The following ADGRG5 variants were observed in gnomAD, a reference collection of about 807,000 sequenced individuals.
ADGRG5 encodes the protein G protein-coupled receptor 114.
In ADGRG5, 37 loss-of-function variants were observed where a neutral mutation model predicts 53.2. The ratio of observed to expected loss-of-function variants is 0.70; its 90% CI spans 0.53 to 0.91. The LOEUF (loss-of-function observed/expected upper bound fraction) is 0.91, where lower values mean the gene tolerates loss of function less well. ADGRG5 is among the 40% of genes least tolerant of loss of function. The probability of loss-of-function intolerance (pLI) is 0.00; values close to 1 mark genes in which losing one functional copy is unlikely to be tolerated. For missense variants in ADGRG5, 614 were observed against 675.8 expected, an observed-to-expected ratio of 0.91 and a Z score of 1.01; for synonymous variants, 277 against 290.4, an observed-to-expected ratio of 0.95 and a Z score of 0.47.
At chr16:57,571,627 ACT>A (rs1467972688) in intron 10 of ADGRG5, among the ~76,000 whole-genome samples, 1 of 149,776 alleles carries the variant, frequency 6.7e-6, no homozygotes, top group African/African-American at 2.5e-5. Context: ...CAGTTTACAT[ACT>A]CTCTGAAGAT....
intron 1 of ADGRG5, among the ~76,000 whole-genome samples, chr16:57,543,803 C>T (rs2032552037): frequency 6.6e-6 from 1 of 152,118 alleles, no homozygotes; most frequent in African/African-American, 2.4e-5. Context: ...AGATGTATTC[C>T]TGGCCAAGGA....
intron 1 of ADGRG5, among the ~76,000 whole-genome samples, chr16:57,558,870 G>C (rs2032939360): frequency 6.6e-6 from 1 of 150,512 alleles, no homozygotes; most frequent in African/African-American, 2.4e-5. Flanking sequence ...TTTGAGACAG[G>C]GTCTCACTCT....
At chr16:57,556,906 TTC>T in intron 1 of ADGRG5, among the ~76,000 whole-genome samples, 2 of 129,652 alleles carry the variant, frequency 1.5e-5, no homozygotes. Flanking sequence ...TTTTGCCTTC[TTC>T]TTTTTTTTTT....
At position 57,564,926 on chromosome 16, in the gene ADGRG5, C is replaced by T. The variant is rs1416566176; in HGVS notation, c.430-108C>T. On this transcript the variant is annotated intron_variant, in intron 5 of 11. Coordinates refer to ENST00000349457, the MANE Select transcript of ADGRG5 (RefSeq NM_001304376.3). ...AGGCTGAGAAAGCTTTCACGCTGCA[C>T]ACGTGAAAGTCTTGCTGCTTGTTCT... is the stretch of plus-strand genomic sequence containing the variant. The T allele has an allele frequency of 7.2e-6, 5 of 692,744 alleles. No individual in the cohort carries two copies. In the Admixed American group the frequency reaches 1.2e-4, roughly 16 times the overall value. 42.9% of individuals were successfully genotyped at this position (692,744 alleles called of 1,614,324 possible).
At chr16:57,554,010 G>C (rs1448716684) in intron 1 of ADGRG5, among the ~76,000 whole-genome samples, 3 of 152,154 alleles carry the variant, frequency 2.0e-5, no homozygotes, top group Admixed American at 2.0e-4. Flanking sequence ...TTCTTTGTGG[G>C]AAGATTTTTA....
At chr16:57,567,324 T>C (rs1411408977) in intron 7 of ADGRG5, 146 bp from the exon 8 acceptor site, 17 of 776,088 alleles carry the variant, frequency 2.2e-5, no homozygotes, top group Non-Finnish European at 3.0e-5. Context: ...TGACTGTATC[T>C]GCCATGGCCT....
At chr16:57,529,098 G>C in the ADGRG5 span, 3 of 1,177,680 alleles carry the variant, frequency 2.5e-6, no homozygotes, top group Non-Finnish European at 3.1e-6. The surrounding 1 kb of genome is among the most constrained non-coding windows in gnomAD (Gnocchi z 4.1). Context: ...CTCCGGCGAC[G>C]GGCTGCCCAG....
chr16:57,559,985 C>G (rs2032965138), intron 1 of ADGRG5, among the ~76,000 whole-genome samples: 1 of 152,122 alleles, frequency 6.6e-6, no homozygotes, highest in Admixed American at 6.6e-5. Context: ...TTAATTGCTT[C>G]TTTTTATTTT....
At position 57,566,348 on chromosome 16, in the gene ADGRG5, G is replaced by A. The variant is rs1311314716; in HGVS notation, c.547-251G>A. ...TTTTTCCACCATTGTTGTAACATGGGTACGAATGATCCTATTCTGTAGATG... is the reference window on the plus strand; with the variant it reads ...TTTTTCCACCATTGTTGTAACATGGATACGAATGATCCTATTCTGTAGATG... On this transcript the variant is annotated intron_variant, in intron 6 of 11. Transcript: ENST00000349457. 6 of 382,192 alleles carry A rather than the reference G, an allele frequency of 1.6e-5. No individual in the cohort carries two copies. The South Asian group carries it at 6.5e-4, about 41-fold the overall frequency. 23.7% of individuals were successfully genotyped at this position (382,192 alleles called of 1,614,324 possible).
At chr16:57,549,498 C>T (rs1021994908) in intron 1 of ADGRG5, among the ~76,000 whole-genome samples, 1 of 152,146 alleles carries the variant, frequency 6.6e-6, no homozygotes, top group Non-Finnish European at 1.5e-5. Flanking sequence ...TTCTCTTGCC[C>T]TCCCTCCCCT....
intron 1 of ADGRG5, among the ~76,000 whole-genome samples, chr16:57,555,344 A>C (rs1044677179): frequency 5.9e-5 from 9 of 152,078 alleles, no homozygotes; most frequent in Non-Finnish European, 1.3e-4. Flanking sequence ...CGTGATAGTG[A>C]GTGAGTTCTC....
chr16:57,533,530 A>G, the ADGRG5 span, among the ~76,000 whole-genome samples: 7 of 148,588 alleles, frequency 4.7e-5, no homozygotes, highest in African/African-American at 1.7e-4. Context: ...CCAGTAATGC[A>G]CACACTCACA....
Position 57,567,823 on chromosome 16 carries a change from C to T in ADGRG5, c.822-33C>T, listed in dbSNP as rs548951076. The T allele has an allele frequency of 8.2e-6, 13 of 1,591,826 alleles. No individual in the cohort carries two copies. In the South Asian group the frequency reaches 1.3e-4, roughly 16 times the overall value. On this transcript the variant is annotated intron_variant, in intron 8 of 11. Coordinates refer to ENST00000349457, the MANE Select transcript of ADGRG5 (RefSeq NM_001304376.3). ...GGGTAGTGCTGCCTGGGTGATGTCC[C>T]TGGGCCATGGAGGACCATTCTCTCA...
Position 57,575,552 on chromosome 16 carries a change from G to T in ADGRG5, c.*14G>T, listed in dbSNP as rs1403606529. On this transcript the variant is annotated 3_prime_UTR_variant, in exon 12 of 12. Transcript: ENST00000349457. ...ACAACACAGTAGTCCGGGCCTCCTG[G>T]CCTGGAATCCTCAGCCTCTCTGGCC... is the stretch of plus-strand genomic sequence containing the variant. 3 of 1,605,052 alleles carry T rather than the reference G, an allele frequency of 1.9e-6. No individual in the cohort carries two copies. The highest frequency in any genetic ancestry group is 2.6e-6 in the Non-Finnish European group (3 of 1,172,056).
chr16:57,575,380 A>G, intron 11 of ADGRG5, 58 bp from the exon 12 acceptor site: 1 of 1,502,190 alleles, frequency 6.7e-7, no homozygotes, highest in Non-Finnish European at 9.3e-7. Context: ...AGCCAAGGAG[A>G]CCCTGGCCTT....
At position 57,567,525 on chromosome 16, in the gene ADGRG5, C is replaced by T. The variant is rs766516943; in HGVS notation, c.755C>T (p.Ser252Phe). Residue 252 changes from serine (S) to phenylalanine (F), a missense_variant, in exon 8 of 12, where the codon TCC becomes TTC. Ser to Phe is a radical substitution (Grantham distance 155). Coordinates refer to ENST00000349457, the MANE Select transcript of ADGRG5 (RefSeq NM_001304376.3). ...AELLAPLTYISLVGCSISIVA... is the reference protein window; with the variant it reads ...AELLAPLTYIFLVGCSISIVA... ...TTGCTGGCACCTCTTACGTACATCT[C>T]CCTCGTGGGCTGCAGCATCTCCATC... is the stretch of plus-strand genomic sequence containing the variant. 1 of 1,611,772 alleles carries T rather than the reference C, an allele frequency of 6.2e-7. No individual in the cohort carries two copies. The highest frequency in any genetic ancestry group is 8.5e-7 in the Non-Finnish European group (1 of 1,179,904).
chr16:57,564,866 A>AAAGGCTGGGAGGCTGGGAGGCTGGG (rs1567620544), intron 5 of ADGRG5, among the ~76,000 whole-genome samples, 168 bp from the exon 6 acceptor site: 1 of 142,540 alleles, frequency 7.0e-6, no homozygotes, highest in African/African-American at 3.0e-5. Context: ...CAGCACATGC[A>AAAGGCTGGGAGGCTGGGAGGCTGGG]AAGGCTGGGA....
At chr16:57,544,775 T>G (rs140886156) in intron 1 of ADGRG5, among the ~76,000 whole-genome samples, 8 of 152,240 alleles carry the variant, frequency 5.3e-5, no homozygotes, top group Non-Finnish European at 1.0e-4. Flanking sequence ...CTTTCTGTTT[T>G]TTTGTTTGTT....
intron 1 of ADGRG5, among the ~76,000 whole-genome samples, chr16:57,546,301 T>G (rs1228153809): frequency 1.3e-5 from 2 of 152,124 alleles, no homozygotes; most frequent in Non-Finnish European, 2.9e-5. Flanking sequence ...ATGTTTCTGA[T>G]TTTTAGTAGA....
Sources: gnomAD v4.1 joint callset for allele counts (sites outside exome capture counted in the v4.1 genomes callset) on GRCh38, gnomAD v4.1.1 for gene constraint, Gnocchi (gnomAD v3.1) non-coding constraint, MANE v1.5 for transcripts, NCBI Gene and HGNC (gene_info 2026-07-23, HGNC 2026-07-21) for gene names.